The following GOLGA2 variants were observed in gnomAD, a reference collection of about 807,000 sequenced individuals.
GOLGA2 encodes the protein golgin subfamily A member 2.
In GOLGA2, 49 loss-of-function variants were observed where a neutral mutation model predicts 148.8. The ratio of observed to expected loss-of-function variants is 0.33; its 90% CI spans 0.26 to 0.42. The LOEUF (loss-of-function observed/expected upper bound fraction) is 0.42, where lower values mean the gene tolerates loss of function less well. Ranked by LOEUF, GOLGA2 falls within the 10% of genes least tolerant of loss-of-function variation. The probability of loss-of-function intolerance (pLI) is 1.00; values close to 1 mark genes in which losing one functional copy is unlikely to be tolerated. For missense variants in GOLGA2, 1,178 were observed against 1,304.6 expected, an observed-to-expected ratio of 0.90 and a Z score of 1.49; for synonymous variants, 501 against 511.8, an observed-to-expected ratio of 0.98 and a Z score of 0.28.
chr9:128,259,325 G>A lies in GOLGA2; in HGVS notation c.1939C>T (p.Gln647Ter). 6.2e-7 allele frequency: 1 copy of A among 1,610,122 alleles called. No individual in the cohort carries two copies. The part of the protein sequence containing the change: ...QQRDQYLGHL[Q>*]QYVAAYQQLT... ...TGCTGATAGGCGGCCACATACTGCT[G>A]CAGGTGTCCCAGGTACTGGTCTCGC... is the stretch of plus-strand genomic sequence containing the variant. Residue 647 changes from glutamine to a stop codon, truncating the protein, a stop_gained, in exon 20 of 27, where the codon CAG becomes TAG. Transcript: ENST00000611957. LOFTEE classifies it high-confidence loss of function.
chr9:128,255,946 T>G lies in GOLGA2; in HGVS notation c.*1121A>C, dbSNP rs1174157381. Reference sequence around the variant, plus strand: ...TGTCCTATGCTATCAATAAATAAGTTTCCCAGCCCCAAATAATTATTAGAA... The same window carrying G: ...TGTCCTATGCTATCAATAAATAAGTGTCCCAGCCCCAAATAATTATTAGAA... On this transcript the variant is annotated 3_prime_UTR_variant, in exon 27 of 27. Transcript: ENST00000611957. 1 of 152,644 alleles carries G rather than the reference T, an allele frequency of 6.6e-6. No homozygotes were observed. The highest frequency in any genetic ancestry group is 6.5e-5 in the Admixed American group (1 of 15,292). The allele number at this position is 152,644 out of a possible 1,614,324, so 9.5% of individuals were successfully genotyped here.
chr9:128,271,186 C>A lies in GOLGA2; in HGVS notation c.288+1599G>T, dbSNP rs1226154484. Among the ~76,000 whole-genome samples, 1 of 152,150 alleles carries A rather than the reference C, an allele frequency of 6.6e-6. No individual in the cohort carries two copies. The highest frequency in any genetic ancestry group is 1.5e-5 in the Non-Finnish European group (1 of 68,020). The stretch of plus-strand genomic sequence containing the variant: ...CTAATCCACTGGACCATTGGCAGAG[C>A]AAAAGCCAAATGCTTTTGGCTGCAG... On this transcript the variant is annotated intron_variant, in intron 3 of 26. Coordinates refer to ENST00000611957, the MANE Select transcript of GOLGA2 (RefSeq NM_001366244.2). The surrounding 1 kb of genome is among the most constrained non-coding windows in gnomAD (Gnocchi z 4.4).
Position 128,258,493 on chromosome 9 carries a change from G to A in GOLGA2, c.2251C>T (p.Pro751Ser), listed in dbSNP as rs1830044173. 1.9e-6 allele frequency: 3 copies of A among 1,611,528 alleles called. No individual in the cohort carries two copies. Among genetic ancestry groups the A allele is most frequent in the African/African-American group, 1.3e-5 (1 of 74,410 alleles). ...EEAVAVPQPM[P>S]SIPEDLESRE... is the part of the protein sequence containing the mutation. ...CTCTCCAGGTCCTCCGGGATGCTTG[G>A]CATGGGCTGAGGTACTGCCACCGCC... is the stretch of plus-strand genomic sequence containing the variant. Residue 751 changes from proline to serine, a missense_variant, in exon 22 of 27, where the codon CCA becomes TCA. Around this residue, in one of 5 missense-constraint regions of GOLGA2, gnomAD observed 529 missense variants for 521.8 expected, o/e 1.01. Coordinates refer to ENST00000611957, the MANE Select transcript of GOLGA2 (RefSeq NM_001366244.2). This position sits in a 1 kb window ranked among gnomAD's most constrained non-coding sequence, Gnocchi z 6.6.
At chr9:128,264,680 G>A (rs759374706) in intron 12 of GOLGA2, among the ~76,000 whole-genome samples, 4 of 151,582 alleles carry the variant, frequency 2.6e-5, no homozygotes, top group Non-Finnish European at 4.4e-5. Context: ...CACCTGCCTC[G>A]GCCTCCCAAA....
Position 128,261,359 on chromosome 9 carries a change from A to C in GOLGA2, c.1332+95T>G. ...CACCGCCACAAAGCCCAGACCCATG[A>C]CCACCTCTGGCTGTGCTCCTCCCAT... On this transcript the variant is annotated intron_variant, in intron 16 of 26. Coordinates refer to ENST00000611957, the MANE Select transcript of GOLGA2 (RefSeq NM_001366244.2). This position sits in a 1 kb window ranked among gnomAD's most constrained non-coding sequence, Gnocchi z 5.7. 8.2e-7 allele frequency: 1 copy of C among 1,221,622 alleles called. No homozygotes were observed. The highest frequency in any genetic ancestry group is 1.2e-6 in the Non-Finnish European group (1 of 822,604). 75.7% of individuals were successfully genotyped at this position (1,221,622 alleles called of 1,614,324 possible).
rs762555203 is a variant in GOLGA2 at position 128,273,891 on chromosome 9, G to A, written c.166C>T (p.Pro56Ser). Residue 56 changes from proline (P) to serine (S), a missense_variant, in exon 2 of 27, where the codon CCT (proline) becomes TCT (serine). Coordinates refer to ENST00000611957, the MANE Select transcript of GOLGA2 (RefSeq NM_001366244.2). Reference protein sequence around the residue: ...KKKKIKNGSNPETTTSGGCHS... With the variant: ...KKKKIKNGSNSETTTSGGCHS... ...CAACCACCAGAAGTGGTTGTCTCAG[G>A]GTTACTGCCATTTTTTATTTTCTTC... The A allele has an allele frequency of 1.2e-6, 2 of 1,613,874 alleles. No homozygotes were observed. The highest frequency in any genetic ancestry group is 1.3e-5 in the African/African-American group (1 of 74,902).
In GOLGA2 at chr9:128,259,272, A is replaced by G. The variant is rs563364974; in HGVS notation, c.1992T>C (p.His664=). 16 of 1,611,898 alleles carry G rather than the reference A, an allele frequency of 9.9e-6. No individual in the cohort carries two copies. In the South Asian group the frequency reaches 1.5e-4, roughly 16 times the overall value. ...QQLTSEKEVL[H]NQLLLQTQLV... is the part of the protein sequence containing the mutation. ...GCTGGGTCTGCAGCAGTAGCTGATT[A>G]TGCAGCACCTCCTTCTCAGAGGTCA... The change falls in exon 20 of 27, where the codon CAT becomes CAC. Residue 664 remains histidine, a synonymous_variant. Coordinates refer to ENST00000611957, the MANE Select transcript of GOLGA2 (RefSeq NM_001366244.2).
In GOLGA2 at chr9:128,268,161, CTGTT is replaced by C. The variant is rs1316999800; in HGVS notation, c.394-5_394-2del. On this transcript the variant is annotated splice_acceptor_variant and splice_polypyrimidine_tract_variant and intron_variant, in intron 4 of 26. Transcript: ENST00000611957. ...TAGGGACATTGTCAGCATCATGATT[CTGTT>C]TGGGAAGAAACGTGTGAGATGGTCA... 5.0e-6 allele frequency: 8 copies of C among 1,612,864 alleles called. No individual in the cohort carries two copies. The highest frequency in any genetic ancestry group is 6.8e-6 in the Non-Finnish European group (8 of 1,178,978).
chr9:128,261,382 C>A lies in GOLGA2; in HGVS notation c.1332+72G>T. On this transcript the variant is annotated intron_variant, in intron 16 of 26. Coordinates refer to ENST00000611957, the MANE Select transcript of GOLGA2 (RefSeq NM_001366244.2). This position sits in a 1 kb window ranked among gnomAD's most constrained non-coding sequence, Gnocchi z 5.7. ...TGACCACCTCTGGCTGTGCTCCTCC[C>A]ATTTCGCAGATGCCCAGAAAGATCA... 8.2e-7 allele frequency: 1 copy of A among 1,217,660 alleles called. No individual in the cohort carries two copies. Among genetic ancestry groups the A allele is most frequent in the Non-Finnish European group, 1.2e-6 (1 of 818,578 alleles). 75.4% of individuals were successfully genotyped at this position (1,217,660 alleles called of 1,614,324 possible).
chr9:128,260,457 C>A lies in GOLGA2; in HGVS notation c.1758+8G>T. The stretch of plus-strand genomic sequence containing the variant: ...AGGAGGGCGGGCTCTCCAGGTGGGG[C>A]AGCGCACCAGCTTTACAAATCCGCT... On this transcript the variant is annotated splice_region_variant and intron_variant, in intron 18 of 26. Transcript: ENST00000611957. The surrounding 1 kb of genome is among the most constrained non-coding windows in gnomAD (Gnocchi z 4.8). 1 of 1,601,994 alleles carries A rather than the reference C, an allele frequency of 6.2e-7. No individual in the cohort carries two copies. Among genetic ancestry groups the A allele is most frequent in the South Asian group, 1.1e-5 (1 of 90,306 alleles).
Position 128,258,650 on chromosome 9 carries a change from T to A in GOLGA2, c.2174-80A>T. On this transcript the variant is annotated intron_variant, in intron 21 of 26. Coordinates refer to ENST00000611957, the MANE Select transcript of GOLGA2 (RefSeq NM_001366244.2). This position sits in a 1 kb window ranked among gnomAD's most constrained non-coding sequence, Gnocchi z 6.6. ...CACCTCTGCCCCCACCCTCACTGTG[T>A]AACCCTGGGCCAGCCCCTCCCCAGA... 9.8e-7 allele frequency: 1 copy of A among 1,019,408 alleles called. No individual in the cohort carries two copies. The highest frequency in any genetic ancestry group is 1.5e-6 in the Non-Finnish European group (1 of 689,112). 63.1% of individuals were successfully genotyped at this position (1,019,408 alleles called of 1,614,324 possible). A position where few individuals can be genotyped will look rare whatever the true frequency, so the allele number is the denominator to read the frequency against.
At chr9:128,263,215 G>A (rs1830382384) in intron 12 of GOLGA2, 123 bp from the exon 13 acceptor site, 1 of 723,448 alleles carries the variant, frequency 1.4e-6, no homozygotes, top group Non-Finnish European at 2.5e-6. Flanking sequence ...CACTTGACAT[G>A]TTTTCAAGGC....
Position 128,266,050 on chromosome 9 carries a change from G to C in GOLGA2, c.682-30C>G. ...AGGAAGAGGAAGACAGAGCTCTTAC[G>C]AGGGGGAGGCAGAGACGGCACAGCA... On this transcript the variant is annotated intron_variant, in intron 9 of 26. Transcript: ENST00000611957. This position sits in a 1 kb window ranked among gnomAD's most constrained non-coding sequence, Gnocchi z 4.2. 1 of 1,587,034 alleles carries C rather than the reference G, an allele frequency of 6.3e-7. No individual in the cohort carries two copies. Among genetic ancestry groups the C allele is most frequent in the South Asian group, 1.1e-5 (1 of 90,520 alleles).
chr9:128,268,371 G>C (rs751158456), intron 4 of GOLGA2, 49 bp downstream of exon 4: 66 of 1,108,298 alleles, frequency 6.0e-5, no homozygotes, highest in Non-Finnish European at 8.9e-5. Context: ...AGAAGATAAT[G>C]CATAATAGGT....
At chr9:128,270,185 G>A (rs1214810733) in intron 3 of GOLGA2, among the ~76,000 whole-genome samples, 3 of 146,210 alleles carry the variant, frequency 2.1e-5, no homozygotes, top group African/African-American at 7.7e-5. Flanking sequence ...CCAGGCTGGA[G>A]TGTAGTGGCG....
At chr9:128,264,440 T>C (rs1830474032) in intron 12 of GOLGA2, among the ~76,000 whole-genome samples, 1 of 146,890 alleles carries the variant, frequency 6.8e-6, no homozygotes, top group Non-Finnish European at 1.5e-5. Context: ...TTTATTTATT[T>C]ATTTTCAGAC....
intron 1 of GOLGA2, among the ~76,000 whole-genome samples, chr9:128,274,406 T>G (rs1338597717): frequency 6.6e-6 from 1 of 152,126 alleles, no homozygotes; most frequent in Non-Finnish European, 1.5e-5. Context: ...GGTGGAGAAG[T>G]CAAGCCTGGA....
chr9:128,273,735 G>C, intron 2 of GOLGA2, 115 bp downstream of exon 2: 1 of 1,315,506 alleles, frequency 7.6e-7, no homozygotes. Flanking sequence ...GGACAGGTAG[G>C]ATACAAACCC....
intron 12 of GOLGA2, among the ~76,000 whole-genome samples, chr9:128,265,050 G>A (rs534061795): frequency 6.6e-5 from 10 of 152,206 alleles, no homozygotes; most frequent in Admixed American, 6.5e-4. Context: ...TAGGAAGGGG[G>A]AAATTATCTT....
Sources: gnomAD v4.1 joint callset for allele counts (sites outside exome capture counted in the v4.1 genomes callset) on GRCh38, gnomAD v4.1.1 for gene constraint, gnomAD v4.1.1 regional missense constraint, Gnocchi (gnomAD v3.1) non-coding constraint, MANE v1.5 for transcripts, NCBI Gene and HGNC (gene_info 2026-07-23, HGNC 2026-07-21) for gene names.